Variants in CUL1 observed in about 807,000 individuals in gnomAD.
CUL1 encodes cullin-1.
In CUL1, 24 loss-of-function variants were observed where a neutral mutation model predicts 118.0. That is an observed-to-expected ratio of 0.20 (90% CI 0.15 to 0.29). The LOEUF (loss-of-function observed/expected upper bound fraction) is 0.29. CUL1 is among the 10% of genes least tolerant of loss of function. CUL1 has a pLI of 1.00. For missense variants in CUL1, 361 were observed against 933.8 expected (o/e 0.39, Z 7.99); for synonymous variants, 332 against 340.4 (o/e 0.98, Z 0.27).
At chr7:148,711,392 G>C (rs1052570482) in intron 1 of CUL1, among the ~76,000 whole-genome samples, 2 of 152,192 alleles carry the variant, frequency 1.3e-5, no homozygotes, top group Admixed American at 1.3e-4. Context: ...CACTCACTGT[G>C]AGCCTTGAGT....
chr7:148,798,741 G>A (rs1354109286), intron 20 of CUL1, 64 bp downstream of exon 20: 9 of 1,296,308 alleles, frequency 6.9e-6, no homozygotes, highest in Non-Finnish European at 1.0e-5. Flanking sequence ...TCGCAAGGAC[G>A]GGCCGTGGGG....
At chr7:148,726,833 CAAAA>C (rs11408081) in intron 1 of CUL1, among the ~76,000 whole-genome samples, 1 of 131,676 alleles carries the variant, frequency 7.6e-6, no homozygotes, top group African/African-American at 2.8e-5. Context: ...CCATCTCTAC[CAAAA>C]AAAAAAAAAA....
intron 2 of CUL1, among the ~76,000 whole-genome samples, chr7:148,743,662 GGGAGGCCAAGGCGGGCAGATCGCC>G (rs201531855): frequency 0.011 from 1,712 of 152,214 alleles, 26 homozygotes; most frequent in African/African-American, 0.037. Flanking sequence ...CCAGCACATT[GGGAGGCCAAGGCGGGCAGATCGCC>G]GGAGGCCAAG....
chr7:148,743,741 A>G (rs534920460), intron 2 of CUL1, among the ~76,000 whole-genome samples: 2 of 152,340 alleles, frequency 1.3e-5, no homozygotes, highest in Admixed American at 1.3e-4. Flanking sequence ...CAGCCTGGCC[A>G]ACGTGATGAA....
chr7:148,727,358 T>G lies in CUL1; in HGVS notation c.-161-2604T>G, dbSNP rs1205732202. On this transcript the variant is annotated intron_variant, in intron 1 of 21. Transcript: ENST00000325222. Reference sequence around the variant, plus strand: ...TTGTAGAGATTCTAAAGAGGGATTTTGAGCAAGTTCAGATGCTTGATGATA... The same window carrying G: ...TTGTAGAGATTCTAAAGAGGGATTTGGAGCAAGTTCAGATGCTTGATGATA... 2.0e-5 allele frequency among the ~76,000 whole-genome samples: 3 copies of G among 152,362 alleles called. No individual in the cohort carries two copies. In the East Asian group the frequency reaches 5.8e-4, roughly 29 times the overall value.
At chr7:148,772,424 A>AC (rs749575695) in intron 9 of CUL1, among the ~76,000 whole-genome samples, 3,214 of 64,894 alleles carry the variant, frequency 0.05, 68 homozygotes, top group Middle Eastern at 0.068. Flanking sequence ...CAAAAAAAAA[A>AC]CAAAAAAAAA....
At chr7:148,739,476 T>C (rs1164774708) in intron 2 of CUL1, among the ~76,000 whole-genome samples, 2 of 152,232 alleles carry the variant, frequency 1.3e-5, no homozygotes, top group Non-Finnish European at 2.9e-5. Flanking sequence ...CGGGCTGCCA[T>C]GTAAACTTCG....
intron 1 of CUL1, among the ~76,000 whole-genome samples, 199 bp downstream of exon 1, chr7:148,699,228 TGGCA>T (rs1797627431): frequency 6.6e-6 from 1 of 151,606 alleles, no homozygotes; most frequent in Admixed American, 6.6e-5. Flanking sequence ...ACGCCGAAGG[TGGCA>T]GAGGAGCGAG....
rs545899339 is a variant in CUL1, at chr7:148,763,931, A to G, written c.790-2630A>G. On this transcript the variant is annotated intron_variant, in intron 7 of 21. Coordinates refer to ENST00000325222, the MANE Select transcript of CUL1 (RefSeq NM_003592.3). ...GGGTCTGTGTTCACTTTTCTCTATT[A>G]GGAGTGTTTTACAGGAAACATCTAA... 3.8e-4 allele frequency among the ~76,000 whole-genome samples: 58 copies of G among 152,308 alleles called. 1 individual carries two copies. Among genetic ancestry groups the G allele is most frequent in the Admixed American group, 3.8e-3 (58 of 15,306 alleles).
chr7:148,783,465 T>C lies in CUL1; in HGVS notation c.1084-318T>C. On this transcript the variant is annotated intron_variant, in intron 9 of 21. Transcript: ENST00000325222. Reference sequence around the variant, plus strand: ...GTTCCACTGTTTAACAAGGAGGAATTGGCAAAGCAGAACTGTCACTTGGAA... The same window carrying C: ...GTTCCACTGTTTAACAAGGAGGAATCGGCAAAGCAGAACTGTCACTTGGAA... 5 of 1,216,350 alleles carry C rather than the reference T, an allele frequency of 4.1e-6. No individual in the cohort carries two copies. In the South Asian group the frequency reaches 8.0e-5, roughly 19 times the overall value. The allele number at this position is 1,216,350 out of a possible 1,614,324, so 75.3% of individuals were successfully genotyped here. A position where few individuals can be genotyped will look rare whatever the true frequency, so the allele number is the denominator to read the frequency against.
chr7:148,724,815 C>T (rs1798509207), intron 1 of CUL1, among the ~76,000 whole-genome samples: 1 of 152,212 alleles, frequency 6.6e-6, no homozygotes, highest in Non-Finnish European at 1.5e-5. Context: ...CTTTTGAAAA[C>T]TACCTGATTT....
intron 9 of CUL1, among the ~76,000 whole-genome samples, chr7:148,780,988 A>G (rs1053040693): frequency 1.4e-5 from 2 of 147,204 alleles, no homozygotes; most frequent in Non-Finnish European, 3.0e-5. Flanking sequence ...TCTCTCCCGT[A>G]TATTATTCTA....
chr7:148,700,366 T>G (rs1797685280), intron 1 of CUL1, among the ~76,000 whole-genome samples: 1 of 152,236 alleles, frequency 6.6e-6, no homozygotes, highest in East Asian at 1.9e-4. Flanking sequence ...TGTGCAGTTT[T>G]AAGTTTAACA....
At chr7:148,799,669 C>T (rs1801322620) in intron 21 of CUL1, among the ~76,000 whole-genome samples, 1 of 151,994 alleles carries the variant, frequency 6.6e-6, no homozygotes, top group African/African-American at 2.4e-5. Flanking sequence ...AGCCCACCCA[C>T]CCCAGCCAGC....
At chr7:148,710,302 C>T (rs1033051839) in intron 1 of CUL1, among the ~76,000 whole-genome samples, 5 of 109,686 alleles carry the variant, frequency 4.6e-5, no homozygotes, top group Non-Finnish European at 9.2e-5. Flanking sequence ...GGGCCGGGCG[C>T]GGTACGCCTG....
intron 2 of CUL1, among the ~76,000 whole-genome samples, chr7:148,735,960 C>T (rs1171125565): frequency 2.7e-5 from 4 of 150,092 alleles, no homozygotes; most frequent in African/African-American, 4.9e-5. Context: ...ATCACTTGAG[C>T]TCAGGAGTTT....
chr7:148,707,791 AT>A (rs1356026094), intron 1 of CUL1, among the ~76,000 whole-genome samples: 15 of 152,334 alleles, frequency 9.8e-5, no homozygotes, highest in African/African-American at 3.6e-4. Context: ...TTTTAAAAGC[AT>A]CTCAATACTT....
intron 1 of CUL1, 35 bp downstream of exon 1, chr7:148,699,064 T>TGGCGGCGGC (rs924893127): frequency 3.3e-5 from 5 of 152,612 alleles, no homozygotes; most frequent in East Asian, 3.9e-4. Context: ...CGAGAGGAGG[T>TGGCGGCGGC]GGCGGCGGCG....
intron 9 of CUL1, 100 bp from the exon 10 acceptor site, chr7:148,783,683 T>G (rs1800729309): frequency 6.4e-7 from 1 of 1,571,578 alleles, no homozygotes; most frequent in East Asian, 2.3e-5. Context: ...TATCTATAGC[T>G]TTTAGAATAT....
Sources: allele counts gnomAD v4.1 joint callset (sites outside exome capture counted in the v4.1 genomes callset), GRCh38; gene constraint gnomAD v4.1.1; transcripts MANE v1.5; gene names NCBI Gene and HGNC (gene_info 2026-07-23, HGNC 2026-07-21).